Variants in ZFHX4 observed in about 807,000 individuals in gnomAD.
ZFHX4 encodes zinc finger homeobox 4.
In ZFHX4, 56 loss-of-function variants were observed where a neutral mutation model predicts 267.6. That is an observed-to-expected ratio of 0.21 (90% CI 0.17 to 0.26). The LOEUF is 0.26. ZFHX4 is among the 10% of genes least tolerant of loss of function. The pLI is 1.00. For missense variants in ZFHX4, 4,332 were observed against 4,420.0 expected (o/e 0.98, Z 0.56); for synonymous variants, 1,778 against 1,665.6 (o/e 1.07, Z -1.64).
chr8:76,741,920 C>T (rs1187838050), intron 3 of ZFHX4, among the ~76,000 whole-genome samples: 2 of 152,156 alleles, frequency 1.3e-5, no homozygotes, highest in Non-Finnish European at 1.5e-5. Context: ...AGAATTCCAG[C>T]CAGCATTTTT....
In ZFHX4 at chr8:76,853,070, C is replaced by T. The variant is rs1812589350; in HGVS notation, c.6149C>T (p.Pro2050Leu). ...CCTCCCCCACCACCACCACCTCCTC[C>T]TCCTCCTCCTCCTCCCCCCCCACCT... ...PTPPPPPPPPPPPPPPPPPPP... is the reference protein window; with the variant it reads ...PTPPPPPPPPLPPPPPPPPPP... Residue 2050 changes from proline (P) to leucine (L), a missense_variant, in exon 10 of 11, where the codon CCT becomes CTT. Transcript: ENST00000651372. 1 of 1,120,010 alleles carries T rather than the reference C, an allele frequency of 8.9e-7. No homozygotes were observed. The highest frequency in any genetic ancestry group is 1.6e-5 in the African/African-American group (1 of 60,890). 69.4% of individuals were successfully genotyped at this position (1,120,010 alleles called of 1,614,324 possible).
chr8:76,735,762 G>A (rs959530511), intron 3 of ZFHX4, among the ~76,000 whole-genome samples: 2 of 152,046 alleles, frequency 1.3e-5, no homozygotes, highest in Admixed American at 1.3e-4. Flanking sequence ...TCAATGGATC[G>A]AGGGGAGAAG....
chr8:76,768,472 G>C (rs1250240595), intron 3 of ZFHX4, among the ~76,000 whole-genome samples: 3 of 152,190 alleles, frequency 2.0e-5, no homozygotes, highest in African/African-American at 7.2e-5. Flanking sequence ...ATAGGAGATA[G>C]TGAAAGTAGG....
intron 1 of ZFHX4, among the ~76,000 whole-genome samples, chr8:76,701,177 T>C (rs1808093921): frequency 1.3e-5 from 2 of 152,124 alleles, no homozygotes. Flanking sequence ...CTGAAAAACA[T>C]TGTCATGGTT....
chr8:76,689,641 T>C (rs1422656581), intron 1 of ZFHX4, among the ~76,000 whole-genome samples: 2 of 152,118 alleles, frequency 1.3e-5, no homozygotes, highest in Non-Finnish European at 2.9e-5. Flanking sequence ...CTGGACTTGA[T>C]GTTCTGTTAA....
intron 3 of ZFHX4, among the ~76,000 whole-genome samples, chr8:76,730,847 C>A (rs1808990608): frequency 6.6e-6 from 1 of 152,132 alleles, no homozygotes; most frequent in Admixed American, 6.6e-5. Context: ...CGTTTTGTAT[C>A]ACTACATCAT....
chr8:76,812,451 G>A (rs1811401635), intron 4 of ZFHX4, among the ~76,000 whole-genome samples: 1 of 152,088 alleles, frequency 6.6e-6, no homozygotes, highest in African/African-American at 2.4e-5. Flanking sequence ...GTCTAATAAA[G>A]AACAGGCATT....
intron 4 of ZFHX4, among the ~76,000 whole-genome samples, chr8:76,778,761 C>T (rs1810472101): frequency 6.6e-6 from 1 of 152,086 alleles, no homozygotes; most frequent in South Asian, 2.1e-4. Flanking sequence ...TTCTCATGAC[C>T]AAAGCAATTT....
At chr8:76,788,615 T>G (rs1810754084) in intron 4 of ZFHX4, among the ~76,000 whole-genome samples, 1 of 152,198 alleles carries the variant, frequency 6.6e-6, no homozygotes, top group South Asian at 2.1e-4. Flanking sequence ...CTTTGGACAT[T>G]GAAATGCCAT....
At chr8:76,837,923 G>A (rs983640228) in intron 5 of ZFHX4, among the ~76,000 whole-genome samples, 8 of 152,052 alleles carry the variant, frequency 5.3e-5, no homozygotes, top group African/African-American at 1.7e-4. Context: ...TAGTAATAAT[G>A]CAGCTATGAT....
rs1447461073 is a variant in ZFHX4 at position 76,771,073 on chromosome 8, T to A, written c.3094-7135T>A. On this transcript the variant is annotated intron_variant, in intron 3 of 10. Transcript: ENST00000651372. ...CATATGGTCATTCTATTTAGAGTCA[T>A]GTTAAGAATTTTAGGGTTTGTTCTA... 1.3e-5 allele frequency among the ~76,000 whole-genome samples: 2 copies of A among 152,154 alleles called. 1 individual carries two copies. Among genetic ancestry groups the A allele is most frequent in the Non-Finnish European group, 2.9e-5 (2 of 68,014 alleles).
intron 4 of ZFHX4, among the ~76,000 whole-genome samples, chr8:76,805,741 A>G (rs1811228677): frequency 6.6e-6 from 1 of 152,086 alleles, no homozygotes; most frequent in Non-Finnish European, 1.5e-5. Flanking sequence ...TACAAGAAGA[A>G]CAATTTTACA....
intron 6 of ZFHX4, among the ~76,000 whole-genome samples, chr8:76,847,498 C>T (rs974968574): frequency 1.3e-5 from 2 of 151,944 alleles, no homozygotes; most frequent in Non-Finnish European, 2.9e-5. Flanking sequence ...AATTCTAGTG[C>T]TTGTAAATCT....
chr8:76,755,323 AATT>A (rs1156843967), intron 3 of ZFHX4, among the ~76,000 whole-genome samples: 1 of 152,216 alleles, frequency 6.6e-6, no homozygotes, highest in Admixed American at 6.5e-5. Flanking sequence ...GGAATGTTTT[AATT>A]ATTATGTATA....
At chr8:76,772,643 G>A (rs1231248449) in intron 3 of ZFHX4, among the ~76,000 whole-genome samples, 3 of 152,094 alleles carry the variant, frequency 2.0e-5, no homozygotes, top group Non-Finnish European at 4.4e-5. Context: ...GGCCAGAGTG[G>A]TGTTTCTGAA....
chr8:76,812,990 C>T (rs1340112142), intron 4 of ZFHX4, among the ~76,000 whole-genome samples: 1 of 152,146 alleles, frequency 6.6e-6, no homozygotes, highest in Non-Finnish European at 1.5e-5. Context: ...GCAAGAATTA[C>T]ATACTATTGT....
At position 76,705,916 on chromosome 8, in the gene ZFHX4, G is replaced by C. The variant is rs765999014; in HGVS notation, c.1828G>C (p.Gly610Arg). Residue 610 changes from glycine to arginine, a missense_variant, in exon 2 of 11, where the codon GGC becomes CGC. Gly to Arg is a moderately radical substitution (Grantham distance 125, BLOSUM62 -2). Coordinates refer to ENST00000651372, the MANE Select transcript of ZFHX4 (RefSeq NM_024721.5). ...TPGPGGDGSP[G>R]SGIECPKCDT... Reference sequence around the variant, plus strand: ...AGGGCCTGGAGGAGACGGCTCACCGGGCAGTGGCATCGAGTGTCCAAAGTG... The same window carrying C: ...AGGGCCTGGAGGAGACGGCTCACCGCGCAGTGGCATCGAGTGTCCAAAGTG... 4 of 1,613,514 alleles carry C rather than the reference G, an allele frequency of 2.5e-6. No individual in the cohort carries two copies. Among genetic ancestry groups the C allele is most frequent in the Non-Finnish European group, 3.4e-6 (4 of 1,179,872 alleles).
chr8:76,700,512 G>C (rs1327488568), intron 1 of ZFHX4, among the ~76,000 whole-genome samples: 1 of 152,170 alleles, frequency 6.6e-6, no homozygotes, highest in East Asian at 1.9e-4. Context: ...CTATTGTTCA[G>C]AAAGCACCCC....
At chr8:76,731,091 C>T (rs891923420) in intron 3 of ZFHX4, among the ~76,000 whole-genome samples, 3 of 152,104 alleles carry the variant, frequency 2.0e-5, no homozygotes, top group African/African-American at 2.4e-5. Context: ...CAAAGGCTGA[C>T]GCTACCCATC....
Sources: allele counts gnomAD v4.1 joint callset (sites outside exome capture counted in the v4.1 genomes callset), GRCh38; gene constraint gnomAD v4.1.1; transcripts MANE v1.5; gene names NCBI Gene and HGNC (gene_info 2026-07-23, HGNC 2026-07-21).